SLCO6A1: variants seen among roughly 807,000 people sequenced by gnomAD.
The protein encoded by SLCO6A1 is cancer/testis antigen 48.
In SLCO6A1, 65 loss-of-function variants were observed where a neutral mutation model predicts 72.7. That is an observed-to-expected ratio of 0.89 (90% CI 0.73 to 1.10). The LOEUF (loss-of-function observed/expected upper bound fraction) is 1.10, where lower values mean the gene tolerates loss of function less well. Ranked by LOEUF, SLCO6A1 falls within the 50% of genes least tolerant of loss-of-function variation. The pLI is 0.00. For synonymous variants in SLCO6A1, 314 were observed against 298.2 expected (o/e 1.05, Z -0.55); for missense variants, 874 against 872.6 (o/e 1.00, Z -0.02).
At chr5:102,403,018 A>G (rs901961554) in intron 9 of SLCO6A1, among the ~76,000 whole-genome samples, 2 of 152,202 alleles carry the variant, frequency 1.3e-5, no homozygotes, top group Non-Finnish European at 2.9e-5. Context: ...AAAAAATATG[A>G]CCTAGAATAA....
intron 1 of SLCO6A1, among the ~76,000 whole-genome samples, chr5:102,493,839 T>C (rs941429044): frequency 6.6e-6 from 1 of 152,202 alleles, no homozygotes; most frequent in Non-Finnish European, 1.5e-5. Flanking sequence ...ATATCCAGCA[T>C]GTTCAGTCAT....
chr5:102,435,266 T>C (rs2112667830), intron 7 of SLCO6A1, among the ~76,000 whole-genome samples: 1 of 152,326 alleles, frequency 6.6e-6, no homozygotes, highest in African/African-American at 2.4e-5. Flanking sequence ...AGTAAGCTTG[T>C]GGGTGGTACT....
chr5:102,373,802 A>G (rs1354344928), intron 12 of SLCO6A1, among the ~76,000 whole-genome samples: 1 of 152,194 alleles, frequency 6.6e-6, no homozygotes, highest in Non-Finnish European at 1.5e-5. Flanking sequence ...AAACTTAGCT[A>G]TCAATAGGAA....
At chr5:102,475,640 G>T in intron 4 of SLCO6A1, 57 bp downstream of exon 4, 1 of 1,087,874 alleles carries the variant, frequency 9.2e-7, no homozygotes, top group Non-Finnish European at 1.3e-6. Context: ...AGCTATGGTA[G>T]CTATTTAGTA....
chr5:102,475,635 T>TG, intron 4 of SLCO6A1, 62 bp downstream of exon 4: 1 of 1,031,742 alleles, frequency 9.7e-7, no homozygotes, highest in Non-Finnish European at 1.4e-6. Context: ...TTGTAAGCTA[T>TG]GGTAGCTATT....
intron 11 of SLCO6A1, among the ~76,000 whole-genome samples, chr5:102,389,670 AT>A (rs1746639578): frequency 1.3e-5 from 2 of 151,678 alleles, no homozygotes; most frequent in African/African-American, 4.8e-5. Flanking sequence ...ACTACTATTC[AT>A]TTTTTCCATT....
intron 7 of SLCO6A1, among the ~76,000 whole-genome samples, chr5:102,434,703 ACAG>A (rs1749408724): frequency 6.6e-6 from 1 of 152,200 alleles, no homozygotes; most frequent in African/African-American, 2.4e-5. Context: ...AGGTTTAAAG[ACAG>A]CTCCATAGAA....
chr5:102,388,231 T>C (rs1746524449), intron 12 of SLCO6A1, among the ~76,000 whole-genome samples: 3 of 152,218 alleles, frequency 2.0e-5, no homozygotes, highest in Admixed American at 2.0e-4. Context: ...TATCATTCTT[T>C]ATTTGGGAAC....
intron 9 of SLCO6A1, among the ~76,000 whole-genome samples, chr5:102,409,010 A>G (rs930732859): frequency 1.3e-5 from 2 of 152,298 alleles, no homozygotes; most frequent in African/African-American, 2.4e-5. Context: ...TTTTATAATG[A>G]AAACTATATC....
chr5:102,484,277 T>C (rs981988), intron 1 of SLCO6A1, among the ~76,000 whole-genome samples: 23,481 of 152,160 alleles, frequency 0.15, 2,326 homozygotes, highest in East Asian at 0.34. Flanking sequence ...TAATTCCAGA[T>C]TTCCATCTTT....
intron 9 of SLCO6A1, among the ~76,000 whole-genome samples, chr5:102,405,708 A>G (rs1251166249): frequency 6.6e-6 from 1 of 152,228 alleles, no homozygotes; most frequent in South Asian, 2.1e-4. Flanking sequence ...GTAAATGATG[A>G]TGCTGAGCGA....
At chr5:102,478,464 C>A (rs1448968283) in intron 2 of SLCO6A1, among the ~76,000 whole-genome samples, 1 of 152,134 alleles carries the variant, frequency 6.6e-6, no homozygotes, top group Non-Finnish European at 1.5e-5. Flanking sequence ...TTGTCTCACT[C>A]TGATTAAATA....
At chr5:102,391,354 C>G (rs1026759787) in intron 10 of SLCO6A1, 4 of 286,856 alleles carry the variant, frequency 1.4e-5, no homozygotes, top group African/African-American at 8.7e-5. Context: ...TTATACTTAC[C>G]GGTTTTCATT....
At chr5:102,450,167 G>A (rs2112721503) in intron 6 of SLCO6A1, among the ~76,000 whole-genome samples, 1 of 152,314 alleles carries the variant, frequency 6.6e-6, no homozygotes, top group South Asian at 2.1e-4. Flanking sequence ...CATTGCTGGG[G>A]AGCTAGTGAG....
chr5:102,419,506 G>T (rs1748469945), intron 8 of SLCO6A1, among the ~76,000 whole-genome samples: 1 of 152,174 alleles, frequency 6.6e-6, no homozygotes, highest in Non-Finnish European at 1.5e-5. Flanking sequence ...CACAAGGTAA[G>T]ACTGGCTTTG....
chr5:102,466,136 C>A (rs1484430119), intron 4 of SLCO6A1, among the ~76,000 whole-genome samples: 1 of 151,920 alleles, frequency 6.6e-6, no homozygotes, highest in Non-Finnish European at 1.5e-5. Context: ...AGGTATTAAG[C>A]CTAGTATTAA....
intron 12 of SLCO6A1, among the ~76,000 whole-genome samples, chr5:102,378,679 A>G (rs1026134420): frequency 6.6e-6 from 1 of 152,132 alleles, no homozygotes; most frequent in Non-Finnish European, 1.5e-5. Flanking sequence ...TGATTCATCC[A>G]TATTTTATGT....
At chr5:102,473,850 T>C (rs920176900) in intron 4 of SLCO6A1, among the ~76,000 whole-genome samples, 2 of 151,862 alleles carry the variant, frequency 1.3e-5, no homozygotes, top group African/African-American at 2.4e-5. Context: ...CAATGAACAG[T>C]GTACAAGGAG....
At chr5:102,399,782 T>C (rs749713102) in intron 9 of SLCO6A1, 40 bp from the exon 10 acceptor site, 16 of 1,394,410 alleles carry the variant, frequency 1.1e-5, no homozygotes, top group Admixed American at 2.3e-5. Flanking sequence ...TTCAGAAAAA[T>C]AGTCATAAAC....
Sources: allele counts gnomAD v4.1 joint callset (sites outside exome capture counted in the v4.1 genomes callset), GRCh38; gene constraint gnomAD v4.1.1; transcripts MANE v1.5; gene names NCBI Gene and HGNC (gene_info 2026-07-23, HGNC 2026-07-21).